SLC48A1: variants seen among roughly 807,000 people sequenced by gnomAD.
SLC48A1 encodes heme transporter HRG1.
SLC48A1 carries 6 observed loss-of-function variants against 14.8 expected under a neutral mutation model. That is an observed-to-expected ratio of 0.41 (90% CI 0.22 to 0.80). The LOEUF is 0.80. SLC48A1 is among the 30% of genes least tolerant of loss of function. SLC48A1 has a pLI of 0.34. For missense variants in SLC48A1, 165 were observed against 204.8 expected, an observed-to-expected ratio of 0.81 and a Z score of 1.19; for synonymous variants, 89 against 90.0, an observed-to-expected ratio of 0.99 and a Z score of 0.06.
exon 1 of SLC48A1, chr12:47,758,618 A>C (rs950128210): frequency 5.6e-6 from 9 of 1,608,762 alleles, no homozygotes; most frequent in Non-Finnish European, 7.6e-6. Flanking sequence ...GTCCCCAGCG[A>C]CCCCCATCAG....
At chr12:47,766,982 C>T (rs1298745475), upstream of SLC48A1, among the ~76,000 whole-genome samples, 1 of 152,148 alleles carries the variant, frequency 6.6e-6, no homozygotes, top group African/African-American at 2.4e-5. Context: ...GGGGCCAGCT[C>T]CTCCTTGCAG....
chr12:47,773,471 G>A, intron 1 of SLC48A1, 31 bp downstream of exon 1: 6 of 1,303,374 alleles, frequency 4.6e-6, no homozygotes, highest in Non-Finnish European at 5.9e-6. Flanking sequence ...GCGCGGGGCG[G>A]GTGCGCGGCT....
rs559852945 is a variant in SLC48A1 at position 47,762,340 on chromosome 12, G to A, written c.-187+1939G>A. On this transcript the variant is annotated intron_variant, in intron 2 of 4. Transcript: ENST00000547002. ...GCCCATAGTTTCCTGGGTCTTCACA[G>A]GAACCTCATACTCCCTTCCTGCCCC... 2.6e-5 allele frequency among the ~76,000 whole-genome samples: 4 copies of A among 152,244 alleles called. No individual in the cohort carries two copies. In the East Asian group the frequency reaches 7.7e-4, roughly 29 times the overall value.
rs1942923157 is a variant in SLC48A1, at chr12:47,782,648, G to A, written c.*2367G>A. 1 of 152,298 alleles carries A rather than the reference G, an allele frequency of 6.6e-6. No homozygotes were observed. Among genetic ancestry groups the A allele is most frequent in the Non-Finnish European group, 1.5e-5 (1 of 68,070 alleles). 9.4% of individuals were successfully genotyped at this position (152,298 alleles called of 1,614,324 possible). A position where few individuals can be genotyped will look rare whatever the true frequency, so the allele number is the denominator to read the frequency against. ...CGGCAGTGACTCAGACCCACACTGT[G>A]CCGTGCAGCTGTGTGCCCTGCACAC... On this transcript the variant is annotated 3_prime_UTR_variant, in exon 3 of 3. Coordinates refer to ENST00000442218, the MANE Select transcript of SLC48A1 (RefSeq NM_017842.3).
rs1942906055 is a variant in SLC48A1 at position 47,782,373 on chromosome 12, GTC to G, written c.*2093_*2094del. On this transcript the variant is annotated 3_prime_UTR_variant, in exon 3 of 3. Coordinates refer to ENST00000442218, the MANE Select transcript of SLC48A1 (RefSeq NM_017842.3). Reference sequence around the variant, plus strand: ...GGGACTTAAACCCAGGTGTGTCTGAGTCACAACTCTTCGGGGATGCCGTGGTG... The same window carrying G: ...GGGACTTAAACCCAGGTGTGTCTGAGACAACTCTTCGGGGATGCCGTGGTG... 6.6e-6 allele frequency: 1 copy of G among 152,270 alleles called. No homozygotes were observed. 9.4% of individuals were successfully genotyped at this position (152,270 alleles called of 1,614,324 possible).
rs956561686 is a variant in SLC48A1 at position 47,781,922 on chromosome 12, A to C, written c.*1641A>C. 6.6e-6 allele frequency: 1 copy of C among 152,320 alleles called. No homozygotes were observed. The highest frequency in any genetic ancestry group is 1.5e-5 in the Non-Finnish European group (1 of 68,194). The allele number at this position is 152,320 out of a possible 1,614,324, so 9.4% of individuals were successfully genotyped here. A position where few individuals can be genotyped will look rare whatever the true frequency, so the allele number is the denominator to read the frequency against. The stretch of plus-strand genomic sequence containing the variant: ...CCTCCAGCTTTCCTCTCTCTAGCAC[A>C]CCCCAGCCAGGGCAAGGATGCCCAC... On this transcript the variant is annotated 3_prime_UTR_variant, in exon 3 of 3. Coordinates refer to ENST00000442218, the MANE Select transcript of SLC48A1 (RefSeq NM_017842.3).
intron 1 of SLC48A1, chr12:47,758,889 T>C (rs1942263836): frequency 1.8e-6 from 2 of 1,120,026 alleles, no homozygotes. Flanking sequence ...CTGGCACCGG[T>C]CCGGGCGGGA....
chr12:47,761,717 A>G (rs1942384909), intron 2 of SLC48A1, among the ~76,000 whole-genome samples: 1 of 152,216 alleles, frequency 6.6e-6, no homozygotes, highest in East Asian at 1.9e-4. Flanking sequence ...CCCTCCTCTG[A>G]CTGTCATTAA....
chr12:47,765,810 C>T (rs1942504335), intron 2 of SLC48A1, among the ~76,000 whole-genome samples: 4 of 152,230 alleles, frequency 2.6e-5, no homozygotes, highest in African/African-American at 7.2e-5. Context: ...CTCAAAAATG[C>T]GTGCCTTGCG....
chr12:47,758,371 C>T, upstream of SLC48A1: 1 of 1,484,594 alleles, frequency 6.7e-7, no homozygotes, highest in Non-Finnish European at 9.0e-7. Context: ...ATCTCCACTA[C>T]CTCCCAGTAT....
At chr12:47,774,964 G>A (rs1179629329) in intron 1 of SLC48A1, among the ~76,000 whole-genome samples, 3 of 152,216 alleles carry the variant, frequency 2.0e-5, no homozygotes, top group African/African-American at 7.2e-5. Flanking sequence ...AGAGCCCTAT[G>A]ATTGCATTGC....
At chr12:47,761,574 G>A (rs999278991) in intron 2 of SLC48A1, among the ~76,000 whole-genome samples, 1 of 152,198 alleles carries the variant, frequency 6.6e-6, no homozygotes, top group Non-Finnish European at 1.5e-5. Context: ...ATGGGGACCC[G>A]ACAGTAGAAT....
chr12:47,778,931 C>T, intron 1 of SLC48A1, 97 bp from the exon 2 acceptor site: 1 of 1,330,924 alleles, frequency 7.5e-7, no homozygotes, highest in Non-Finnish European at 1.0e-6. Flanking sequence ...GAGACAAGAC[C>T]ATATTCTTGG....
chr12:47,777,117 G>A lies in SLC48A1; in HGVS notation c.137-1911G>A, dbSNP rs1470049968. 1.3e-5 allele frequency among the ~76,000 whole-genome samples: 2 copies of A among 152,198 alleles called. No homozygotes were observed. On this transcript the variant is annotated intron_variant, in intron 1 of 2. Transcript: ENST00000442218. This position sits in a 1 kb window ranked among gnomAD's most constrained non-coding sequence, Gnocchi z 4.5. ...TCAAATGAAAACATGGGACACATGT[G>A]AGGAGTGGGAGGGACTTCTGTGAAA...
rs146467006 is a variant in SLC48A1, at chr12:47,765,322, G to T, written c.-187+4921G>T. ...AGTCTGCAGTTCTGCCTGAGAGAGG[G>T]CACAGGCCCCCCTCAGGCCTTGCGG... On this transcript the variant is annotated intron_variant, in intron 2 of 4. Transcript: ENST00000547002. 9.4e-4 allele frequency among the ~76,000 whole-genome samples: 143 copies of T among 152,258 alleles called. 1 individual carries two copies. In the Middle Eastern group the frequency reaches 0.037, roughly 40 times the overall value.
At chr12:47,756,958 ACT>A (rs1182122371), upstream of SLC48A1, among the ~76,000 whole-genome samples, 2 of 150,450 alleles carry the variant, frequency 1.3e-5, no homozygotes, top group Non-Finnish European at 1.5e-5. Context: ...ACAGAGGAAG[ACT>A]CTGGTTAAAA....
chr12:47,755,974 C>T (rs1408737762), upstream of SLC48A1: 1 of 152,192 alleles, frequency 6.6e-6, no homozygotes, highest in Non-Finnish European at 1.5e-5. Context: ...TGGAATGAAA[C>T]CTCCCCACCC....
chr12:47,771,045 T>C, upstream of SLC48A1: 1 of 410,486 alleles, frequency 2.4e-6, no homozygotes, highest in South Asian at 1.7e-5. Context: ...AAAGGAGGGC[T>C]GCTGCTGAGC....
upstream of SLC48A1, chr12:47,758,221 G>C (rs1471857046): frequency 4.9e-6 from 7 of 1,437,260 alleles, no homozygotes; most frequent in African/African-American, 1.0e-4. Context: ...CAGGAGCTGG[G>C]GGGAGGAACA....
Sources: gnomAD v4.1 joint callset for allele counts (sites outside exome capture counted in the v4.1 genomes callset) on GRCh38, gnomAD v4.1.1 for gene constraint, Gnocchi (gnomAD v3.1) non-coding constraint, MANE v1.5 for transcripts, NCBI Gene and HGNC (gene_info 2026-07-23, HGNC 2026-07-21) for gene names.